Variants in TMEM214 observed in about 807,000 individuals in gnomAD.
TMEM214 encodes the protein transmembrane protein 214.
In TMEM214, 71 loss-of-function variants were observed where a neutral mutation model predicts 89.8. That is an observed-to-expected ratio of 0.79 (90% confidence interval 0.65 to 0.96). The LOEUF is 0.96. Ranked by LOEUF, TMEM214 falls within the 40% of genes least tolerant of loss-of-function variation. The pLI, the probability that TMEM214 is intolerant of heterozygous loss-of-function variation, is 0.00. For missense variants in TMEM214, 754 were observed against 843.4 expected (o/e 0.89, Z 1.31); for synonymous variants, 332 against 349.5 (o/e 0.95, Z 0.56).
chr2:27,038,638 A>T lies in TMEM214; in HGVS notation c.1294-64A>T. 6.2e-7 allele frequency: 1 copy of T among 1,604,120 alleles called. No individual in the cohort carries two copies. The highest frequency in any genetic ancestry group is 1.1e-5 in the South Asian group (1 of 90,534). Reference sequence around the variant, plus strand: ...TTCCCTGAGAAGGGACCCTGTTGGCATGGAAAATGAAGCAGGATGGAAGCT... The same window carrying T: ...TTCCCTGAGAAGGGACCCTGTTGGCTTGGAAAATGAAGCAGGATGGAAGCT... On this transcript the variant is annotated intron_variant, in intron 11 of 16. Coordinates refer to ENST00000238788, the MANE Select transcript of TMEM214 (RefSeq NM_017727.5). This position sits in a 1 kb window ranked among gnomAD's most constrained non-coding sequence, Gnocchi z 4.4.
At chr2:27,039,242 A>G in intron 13 of TMEM214, 78 bp downstream of exon 13, 1 of 1,199,854 alleles carries the variant, frequency 8.3e-7, no homozygotes, top group Non-Finnish European at 1.2e-6. Flanking sequence ...CCCCGCCCCC[A>G]GCAGCACACA....
Position 27,040,987 on chromosome 2 carries a change from C to G in TMEM214, c.*150C>G. On this transcript the variant is annotated 3_prime_UTR_variant, in exon 17 of 17. Transcript: ENST00000238788. ...GCCAGTTGCCTCCACCTCAGTTCTTCCATCTTTGGTGGGGACAGGGCCCAG... is the reference window on the plus strand; with the variant it reads ...GCCAGTTGCCTCCACCTCAGTTCTTGCATCTTTGGTGGGGACAGGGCCCAG... 2 of 944,792 alleles carry G rather than the reference C, an allele frequency of 2.1e-6. No individual in the cohort carries two copies. The highest frequency in any genetic ancestry group is 2.6e-5 in the Admixed American group (1 of 38,962). The allele number at this position is 944,792 out of a possible 1,614,324, so 58.5% of individuals were successfully genotyped here. A position where few individuals can be genotyped will look rare whatever the true frequency, so the allele number is the denominator to read the frequency against.
chr2:27,039,041 C>T lies in TMEM214; in HGVS notation c.1408-6C>T. The T allele has an allele frequency of 6.2e-7, 1 of 1,613,168 alleles. No individual in the cohort carries two copies. The highest frequency in any genetic ancestry group is 8.5e-7 in the Non-Finnish European group (1 of 1,179,846). On this transcript the variant is annotated splice_region_variant and splice_polypyrimidine_tract_variant and intron_variant, in intron 12 of 16. Coordinates refer to ENST00000238788, the MANE Select transcript of TMEM214 (RefSeq NM_017727.5). ...TGACAACTGTCTCCTGCTCCCCTCC[C>T]ACCAGGGCCTGTTGCAGCAGGTTCA...
chr2:27,039,153 G>A lies in TMEM214; in HGVS notation c.1514G>A (p.Ser505Asn), dbSNP rs772769483. The A allele has an allele frequency of 6.2e-7, 1 of 1,613,444 alleles. No homozygotes were observed. The highest frequency in any genetic ancestry group is 1.3e-5 in the African/African-American group (1 of 74,930). The part of the protein sequence containing the change: ...GFLCHDLRSH[S>N]SFQASLTGRL... ...CTGTGCCATGACCTCCGGTCACACAGCTCCTTCCAGGGTAAGCAGCAATGG... is the reference window on the plus strand; with the variant it reads ...CTGTGCCATGACCTCCGGTCACACAACTCCTTCCAGGGTAAGCAGCAATGG... Residue 505 changes from serine to asparagine, a missense_variant, in exon 13 of 17, where the codon AGC becomes AAC. Physicochemically the swap from Ser to Asn is conservative, Grantham distance 46. Transcript: ENST00000238788.
rs1667529164 is a variant in TMEM214, at chr2:27,035,724, A to T, written c.633A>T (p.Thr211=). 1 of 1,614,190 alleles carries T rather than the reference A, an allele frequency of 6.2e-7. No individual in the cohort carries two copies. The highest frequency in any genetic ancestry group is 8.5e-7 in the Non-Finnish European group (1 of 1,180,032). ...CCATGTTGCAAGAGCTGGATAAGAC[A>T]CCAGGTGAAAGGGGCACGGGAGGGA... ...LFTMLQELDK[T]PGESLHGYRI... is the part of the protein sequence containing the mutation. Residue 211 remains threonine (T), a synonymous_variant, in exon 4 of 17, where the codon ACA becomes ACT. Transcript: ENST00000238788.
In TMEM214 at chr2:27,040,083, G is replaced by A. The variant is rs778448786; in HGVS notation, c.1676G>A (p.Arg559Gln). The change falls in exon 15 of 17, where the codon CGG becomes CAG. Residue 559 changes from arginine (R) to glutamine (Q), a missense_variant. Arg to Gln is a conservative substitution (Grantham distance 43). Transcript: ENST00000238788. ...GGCTCCCACCTGCTCACCGTGGTGC[G>A]GCCCAGCTTGCAGCTGGCCTGGGCT... is the stretch of plus-strand genomic sequence containing the variant. ...LWGSHLLTVVRPSLQLAWAHT... is the reference protein window; with the variant it reads ...LWGSHLLTVVQPSLQLAWAHT... 64 of 1,608,822 alleles carry A rather than the reference G, an allele frequency of 4.0e-5. No individual in the cohort carries two copies. The highest frequency in any genetic ancestry group is 6.6e-5 in the South Asian group (6 of 91,084).
intron 2 of TMEM214, among the ~76,000 whole-genome samples, chr2:27,034,822 G>C (rs1403691514): frequency 6.6e-6 from 1 of 151,804 alleles, no homozygotes. Flanking sequence ...GACCTCAGGT[G>C]ATCCGCCCAC....
At chr2:27,039,704 C>G (rs929176217) in intron 13 of TMEM214, 37 bp from the exon 14 acceptor site, 4 of 1,579,934 alleles carry the variant, frequency 2.5e-6, no homozygotes, top group Non-Finnish European at 3.5e-6. Flanking sequence ...CCCTGCCCCT[C>G]TCACCTCCCA....
chr2:27,039,226 C>G, intron 13 of TMEM214, 62 bp downstream of exon 13: 1 of 1,375,776 alleles, frequency 7.3e-7, no homozygotes, highest in South Asian at 1.2e-5. Context: ...ACACGTAGCA[C>G]CACCACCCCG....
In TMEM214 at chr2:27,035,116, G is replaced by T; in HGVS notation, c.352-19G>T. On this transcript the variant is annotated intron_variant, in intron 2 of 16. Coordinates refer to ENST00000238788, the MANE Select transcript of TMEM214 (RefSeq NM_017727.5). ...TCACAACTCGCCATGGTGGGGGGTTGGGGGATTGTCCCTGGCAGCTGGATG... is the reference window on the plus strand; with the variant it reads ...TCACAACTCGCCATGGTGGGGGGTTTGGGGATTGTCCCTGGCAGCTGGATG... The T allele has an allele frequency of 6.2e-7, 1 of 1,612,994 alleles. No homozygotes were observed. Among genetic ancestry groups the T allele is most frequent in the Non-Finnish European group, 8.5e-7 (1 of 1,179,292 alleles).
rs371614007 is a variant in TMEM214, at chr2:27,035,182, G to T, written c.399G>T (p.Val133=). 5.4e-5 allele frequency: 87 copies of T among 1,614,002 alleles called. No homozygotes were observed. The African/African-American group carries it at 8.5e-4, about 16-fold the overall frequency. Reference sequence around the variant, plus strand: ...AGGAACTGGACAAGAGCCAGAGTGTGTTCTCTGGAAACCCATCCATATGGT... The same window carrying T: ...AGGAACTGGACAAGAGCCAGAGTGTTTTCTCTGGAAACCCATCCATATGGT... ...LQKELDKSQS[V]FSGNPSIWLK... is the part of the protein sequence containing the mutation. Residue 133 remains valine (V), a synonymous_variant, in exon 3 of 17, where the codon GTG becomes GTT. Transcript: ENST00000238788.
At chr2:27,036,654 C>A in intron 6 of TMEM214, 51 bp from the exon 7 acceptor site, 2 of 1,612,052 alleles carry the variant, frequency 1.2e-6, no homozygotes, top group Non-Finnish European at 8.5e-7. Flanking sequence ...CTCTTTGATG[C>A]CCCCAGTAGG....
chr2:27,040,485 T>TGAGGC lies in TMEM214; in HGVS notation c.1933_1937dup (p.Cys647ArgfsTer7). ...TGGCCTGGGCCCAGGAGCACTGCCA[T>TGAGGC]GAGGCATGCAGGTGAGACCTTTGCC... On this transcript the variant is annotated frameshift_variant, in exon 16 of 17. Coordinates refer to ENST00000238788, the MANE Select transcript of TMEM214 (RefSeq NM_017727.5). LOFTEE classifies it high-confidence loss of function. The TGAGGC allele has an allele frequency of 6.2e-7, 1 of 1,613,754 alleles. No homozygotes were observed. The highest frequency in any genetic ancestry group is 8.5e-7 in the Non-Finnish European group (1 of 1,180,020).
In TMEM214 at chr2:27,041,069, C is replaced by G. The variant is rs917043619; in HGVS notation, c.*232C>G. On this transcript the variant is annotated 3_prime_UTR_variant, in exon 17 of 17. Coordinates refer to ENST00000238788, the MANE Select transcript of TMEM214 (RefSeq NM_017727.5). ...TGAACACTTTTCTGGCCCTACTGCA[C>G]ATGGCCCCCAGCCTCCATCCTTGTG... 13 of 527,148 alleles carry G rather than the reference C, an allele frequency of 2.5e-5. No individual in the cohort carries two copies. The Admixed American group carries it at 4.2e-4, about 17-fold the overall frequency. 32.7% of individuals were successfully genotyped at this position (527,148 alleles called of 1,614,324 possible).
rs778244363 is a variant in TMEM214 at position 27,039,106 on chromosome 2, G to C, written c.1467G>C (p.Leu489=). 1 of 1,613,908 alleles carries C rather than the reference G, an allele frequency of 6.2e-7. No individual in the cohort carries two copies. Among genetic ancestry groups the C allele is most frequent in the Non-Finnish European group, 8.5e-7 (1 of 1,180,046 alleles). ...RLPWTRLLLL[L]LVFAVGFLCH... ...CCTGGACGCGGCTCCTCCTGTTGCT[G>C]CTGGTCTTCGCTGTAGGCTTCCTGT... Residue 489 remains leucine (L), a synonymous_variant, in exon 13 of 17, where the codon CTG becomes CTC. Coordinates refer to ENST00000238788, the MANE Select transcript of TMEM214 (RefSeq NM_017727.5).
In TMEM214 at chr2:27,038,729, C is replaced by T. The variant is rs1318100576; in HGVS notation, c.1321C>T (p.Gln441Ter). Reference sequence around the variant, plus strand: ...ACAGAAGTCTTTGCAAGAAACCATTCAGTCCCTCAAGCTTACCAACCAGGA... The same window carrying T: ...ACAGAAGTCTTTGCAAGAAACCATTTAGTCCCTCAAGCTTACCAACCAGGA... ...KVQKSLQETI[Q>*]SLKLTNQELL... The change falls in exon 12 of 17, where the codon CAG becomes TAG. Residue 441 changes from glutamine to a stop codon, truncating the protein, a stop_gained. Transcript: ENST00000238788. LOFTEE classifies it high-confidence loss of function. This position sits in a 1 kb window ranked among gnomAD's most constrained non-coding sequence, Gnocchi z 4.4. 2 of 1,614,160 alleles carry T rather than the reference C, an allele frequency of 1.2e-6. No homozygotes were observed. Among genetic ancestry groups the T allele is most frequent in the East Asian group, 2.2e-5 (1 of 44,880 alleles).
intron 14 of TMEM214, 85 bp from the exon 15 acceptor site, chr2:27,039,945 G>T (rs1263418156): frequency 4.3e-5 from 68 of 1,594,758 alleles, no homozygotes; most frequent in Non-Finnish European, 5.7e-5. Context: ...CTTTCCCACG[G>T]CCTCCCTTTC....
rs889437823 is a variant in TMEM214, at chr2:27,036,377, C to G, written c.721-110C>G. On this transcript the variant is annotated intron_variant, in intron 5 of 16. Coordinates refer to ENST00000238788, the MANE Select transcript of TMEM214 (RefSeq NM_017727.5). ...ACGTGGCCATAGTGCTCCACTCTTG[C>G]TCGGCCTGTCCTCCCTCTTCCAGTT... 5 of 961,132 alleles carry G rather than the reference C, an allele frequency of 5.2e-6. No homozygotes were observed. In the South Asian group the frequency reaches 6.6e-5, roughly 13 times the overall value. 59.5% of individuals were successfully genotyped at this position (961,132 alleles called of 1,614,324 possible).
In TMEM214 at chr2:27,037,069, C is replaced by T. The variant is rs1667598864; in HGVS notation, c.909-8C>T. On this transcript the variant is annotated splice_region_variant and splice_polypyrimidine_tract_variant and intron_variant, in intron 7 of 16. Transcript: ENST00000238788. ...GTGTCCAGCGAGCCTGTTTCTTCAT[C>T]CCCACAGGATGCATCCCAACCTTAC... The T allele has an allele frequency of 6.2e-7, 1 of 1,612,716 alleles. No homozygotes were observed. The highest frequency in any genetic ancestry group is 1.7e-4 in the Middle Eastern group (1 of 6,060).
Sources: gnomAD v4.1 joint callset for allele counts (sites outside exome capture counted in the v4.1 genomes callset) on GRCh38, gnomAD v4.1.1 for gene constraint, Gnocchi (gnomAD v3.1) non-coding constraint, MANE v1.5 for transcripts, NCBI Gene and HGNC (gene_info 2026-07-23, HGNC 2026-07-21) for gene names.